OPCML: variants seen among roughly 807,000 people sequenced by gnomAD.
OPCML encodes the protein opioid binding protein/cell adhesion molecule like, also known as opioid-binding protein/cell adhesion molecule.
Under a neutral mutation model 37.8 loss-of-function variants are expected in OPCML, and 13 were observed. That is an observed-to-expected ratio of 0.34 (90% confidence interval 0.22 to 0.55). The LOEUF is 0.55. OPCML is among the 20% of genes least tolerant of loss of function. OPCML has a pLI of 0.91. For synonymous variants in OPCML, 176 were observed against 168.8 expected, an observed-to-expected ratio of 1.04 and a Z score of -0.33; for missense variants, 341 against 435.6, an observed-to-expected ratio of 0.78 and a Z score of 1.93.
intron 1 of OPCML, among the ~76,000 whole-genome samples, chr11:133,088,747 G>A (rs546362591): frequency 5.3e-5 from 8 of 152,288 alleles, no homozygotes; most frequent in Admixed American, 2.0e-4. Context: ...CCCCTGGAAC[G>A]CAGGTCATTC....
At chr11:133,427,073 C>T (rs1946018041) in intron 1 of OPCML, among the ~76,000 whole-genome samples, 1 of 152,012 alleles carries the variant, frequency 6.6e-6, no homozygotes, top group South Asian at 2.1e-4. Context: ...TAAGATAGGC[C>T]TCCAATGAAT....
At chr11:133,228,586 C>T (rs1940140751) in intron 1 of OPCML, among the ~76,000 whole-genome samples, 1 of 152,358 alleles carries the variant, frequency 6.6e-6, no homozygotes, top group East Asian at 1.9e-4. Context: ...CAGGACGCTG[C>T]GCCCTGCCGG....
At chr11:132,738,795 T>A (rs1045093812) in intron 2 of OPCML, among the ~76,000 whole-genome samples, 1 of 152,210 alleles carries the variant, frequency 6.6e-6, no homozygotes, top group African/African-American at 2.4e-5. Flanking sequence ...TTTACATTAA[T>A]TAAAAACCAA....
At chr11:133,257,064 T>C (rs1171957887) in intron 1 of OPCML, among the ~76,000 whole-genome samples, 1 of 152,230 alleles carries the variant, frequency 6.6e-6, no homozygotes, top group African/African-American at 2.4e-5. Context: ...ACAATTTAAT[T>C]GTCTTGCAAA....
intron 2 of OPCML, among the ~76,000 whole-genome samples, chr11:132,852,874 T>A (rs541697121): frequency 5.3e-5 from 8 of 150,452 alleles, no homozygotes; most frequent in African/African-American, 1.7e-4. Context: ...TGAACTGAGA[T>A]CTTTTATTGA....
intron 1 of OPCML, among the ~76,000 whole-genome samples, chr11:132,981,141 G>A (rs1218769989): frequency 1.3e-5 from 2 of 152,208 alleles, no homozygotes; most frequent in African/African-American, 2.4e-5. Flanking sequence ...ACGTCGTTAC[G>A]CAGTGCATGG....
intron 1 of OPCML, among the ~76,000 whole-genome samples, chr11:133,068,735 T>C (rs969521830): frequency 6.6e-6 from 1 of 152,228 alleles, no homozygotes; most frequent in African/African-American, 2.4e-5. Context: ...TCCCTGAATA[T>C]GTGTATGCAT....
At chr11:133,048,320 T>C (rs1232351129) in intron 1 of OPCML, among the ~76,000 whole-genome samples, 2 of 151,906 alleles carry the variant, frequency 1.3e-5, no homozygotes, top group Non-Finnish European at 2.9e-5. Context: ...AATAGTAACG[T>C]TGAGTTTCAA....
chr11:132,496,303 T>C (rs1592265519), intron 4 of OPCML, among the ~76,000 whole-genome samples: 1 of 152,230 alleles, frequency 6.6e-6, no homozygotes, highest in South Asian at 2.1e-4. Context: ...TAAAATAAGT[T>C]CTAGAAGCAT....
intron 2 of OPCML, among the ~76,000 whole-genome samples, chr11:132,925,863 A>G (rs1944973313): frequency 6.6e-6 from 1 of 152,158 alleles, no homozygotes; most frequent in Non-Finnish European, 1.5e-5. Context: ...GTCAGACCAG[A>G]AGGTAGAAGT....
chr11:133,176,045 A>T (rs71477430), intron 1 of OPCML, among the ~76,000 whole-genome samples: 19,650 of 152,202 alleles, frequency 0.13, 1,532 homozygotes, highest in Middle Eastern at 0.2. Context: ...CCCCTATTAA[A>T]CAGAATTTCT....
intron 1 of OPCML, among the ~76,000 whole-genome samples, chr11:133,442,230 TTTATTG>T (rs1392175790): frequency 6.6e-6 from 1 of 152,178 alleles, no homozygotes; most frequent in Non-Finnish European, 1.5e-5. Context: ...CTGCCATGCT[TTTATTG>T]TTTTTGTTTT....
At chr11:132,605,295 C>T (rs1170520973) in intron 3 of OPCML, among the ~76,000 whole-genome samples, 2 of 151,946 alleles carry the variant, frequency 1.3e-5, no homozygotes, top group African/African-American at 2.4e-5. Context: ...CGGTGGCTCA[C>T]GCCTGTAATC....
chr11:133,198,619 T>C (rs1938632972), intron 1 of OPCML, among the ~76,000 whole-genome samples: 1 of 152,086 alleles, frequency 6.6e-6, no homozygotes, highest in Non-Finnish European at 1.5e-5. Context: ...TGTGGAGAGG[T>C]GGACTCACAT....
intron 1 of OPCML, among the ~76,000 whole-genome samples, chr11:133,469,852 T>G (rs1191586519): frequency 6.6e-6 from 1 of 152,226 alleles, no homozygotes; most frequent in African/African-American, 2.4e-5. Context: ...TCTTTGTCTC[T>G]TATAAAATTC....
At chr11:133,457,225 T>C (rs1946690871) in intron 1 of OPCML, among the ~76,000 whole-genome samples, 1 of 152,096 alleles carries the variant, frequency 6.6e-6, no homozygotes, top group African/African-American at 2.4e-5. Flanking sequence ...GCTAAACGTT[T>C]TCTTAAAGCA....
chr11:132,845,817 T>C (rs915108040), intron 2 of OPCML, among the ~76,000 whole-genome samples: 1 of 152,178 alleles, frequency 6.6e-6, no homozygotes, highest in East Asian at 1.9e-4. Flanking sequence ...TTATTATTAT[T>C]TTTTTCTAGT....
intron 2 of OPCML, among the ~76,000 whole-genome samples, chr11:132,666,126 G>A (rs551457876): frequency 6.6e-6 from 1 of 152,160 alleles, no homozygotes; most frequent in South Asian, 2.1e-4. Flanking sequence ...AATTAGGATG[G>A]TGTCTTCGTC....
At chr11:133,306,185 T>G (rs1942912021) in intron 1 of OPCML, among the ~76,000 whole-genome samples, 1 of 152,152 alleles carries the variant, frequency 6.6e-6, no homozygotes. Context: ...CCTGAAATCA[T>G]GAGTGCAGCC....
Sources: allele counts gnomAD v4.1 joint callset (sites outside exome capture counted in the v4.1 genomes callset), GRCh38; gene constraint gnomAD v4.1.1; transcripts MANE v1.5; gene names NCBI Gene and HGNC (gene_info 2026-07-23, HGNC 2026-07-21).